The following GRIA1 variants were observed in gnomAD, a reference collection of about 807,000 sequenced individuals.
GRIA1 encodes the protein glutamate ionotropic receptor AMPA type subunit 1, also known as glutamate receptor 1.
Under a neutral mutation model 99.2 loss-of-function variants are expected in GRIA1, and 31 were observed. That is an observed-to-expected ratio of 0.31 (90% CI 0.23 to 0.42). GRIA1 has a LOEUF of 0.42. GRIA1 is among the 10% of genes least tolerant of loss of function. The probability of loss-of-function intolerance (pLI) is 1.00; values close to 1 mark genes in which losing one functional copy is unlikely to be tolerated. For synonymous variants in GRIA1, 438 were observed against 432.4 expected (o/e 1.01, Z -0.16); for missense variants, 782 against 1,157.5 (o/e 0.68, Z 4.71).
At chr5:153,574,282 G>T (rs1321442889) in intron 2 of GRIA1, 1 of 152,098 alleles carries the variant, frequency 6.6e-6, no homozygotes, top group Non-Finnish European at 1.5e-5. Context: ...ATTCTAGTTG[G>T]TGGTTGTTTC....
At chr5:153,522,441 CATA>C (rs1757233780) in intron 2 of GRIA1, among the ~76,000 whole-genome samples, 1 of 152,266 alleles carries the variant, frequency 6.6e-6, no homozygotes, top group African/African-American at 2.4e-5. Flanking sequence ...AGCTCATATT[CATA>C]ATGAGTAAGA....
chr5:153,729,471 AG>A (rs1192219192), intron 11 of GRIA1, among the ~76,000 whole-genome samples: 1 of 152,104 alleles, frequency 6.6e-6, no homozygotes, highest in East Asian at 1.9e-4. Flanking sequence ...TAACCAGTTG[AG>A]TCTAAGGTAT....
At chr5:153,691,006 T>C (rs1456438658) in intron 8 of GRIA1, among the ~76,000 whole-genome samples, 2 of 152,234 alleles carry the variant, frequency 1.3e-5, no homozygotes, top group Non-Finnish European at 2.9e-5. Flanking sequence ...TTCTTCCAGA[T>C]TTGGAGCCTC....
At position 153,761,974 on chromosome 5, in the gene GRIA1, C is replaced by T. The variant is rs550262988; in HGVS notation, c.1824-2460C>T. ...TGTGGAATCTAAAAAAATTGATCTC[C>T]TAGCAGTGCAGAGTAAAACAGTGGT... On this transcript the variant is annotated intron_variant, in intron 11 of 15. Coordinates refer to ENST00000285900, the MANE Select transcript of GRIA1 (RefSeq NM_000827.4). 2.0e-4 allele frequency among the ~76,000 whole-genome samples: 30 copies of T among 152,218 alleles called. No homozygotes were observed. The South Asian group carries it at 6.0e-3, about 31-fold the overall frequency.
chr5:153,746,190 T>C (rs963674357), intron 11 of GRIA1, among the ~76,000 whole-genome samples: 38 of 152,224 alleles, frequency 2.5e-4, no homozygotes, highest in African/African-American at 5.1e-4. Context: ...CTTTGAAGAA[T>C]TGGCTGGGGA....
At chr5:153,645,551 T>C (rs1484844953) in intron 2 of GRIA1, among the ~76,000 whole-genome samples, 1 of 152,216 alleles carries the variant, frequency 6.6e-6, no homozygotes, top group Non-Finnish European at 1.5e-5. Context: ...TTCCTCACAA[T>C]CTTTTATGCA....
chr5:153,802,523 C>T (rs770149386), intron 15 of GRIA1, 33 bp downstream of exon 15: 9 of 1,612,078 alleles, frequency 5.6e-6, no homozygotes, highest in East Asian at 2.2e-5. Flanking sequence ...TTTTCCTAAC[C>T]TGTTCTGTGA....
intron 2 of GRIA1, among the ~76,000 whole-genome samples, chr5:153,562,325 G>C (rs550703178): frequency 6.6e-6 from 1 of 152,228 alleles, no homozygotes; most frequent in African/African-American, 2.4e-5. Flanking sequence ...CTTGGAGTGG[G>C]GGTGGAGGGA....
chr5:153,752,469 G>T (rs1320165533), intron 11 of GRIA1, among the ~76,000 whole-genome samples: 1 of 152,162 alleles, frequency 6.6e-6, no homozygotes, highest in Non-Finnish European at 1.5e-5. Context: ...ACAAGATGAT[G>T]ATGATGGCTT....
chr5:153,763,988 G>A (rs11167641), intron 11 of GRIA1, among the ~76,000 whole-genome samples: 58,025 of 152,030 alleles, frequency 0.38, 12,201 homozygotes, highest in East Asian at 0.94. Context: ...CAATAATAAG[G>A]CAGTCTGAAA....
chr5:153,796,350 C>T (rs1451005983), intron 14 of GRIA1, among the ~76,000 whole-genome samples: 1 of 152,158 alleles, frequency 6.6e-6, no homozygotes, highest in Non-Finnish European at 1.5e-5. Context: ...TTCATTACTA[C>T]TTTAATCGAG....
intron 2 of GRIA1, among the ~76,000 whole-genome samples, chr5:153,567,407 A>G (rs754648590): frequency 2.6e-5 from 4 of 152,236 alleles, no homozygotes; most frequent in Non-Finnish European, 4.4e-5. Flanking sequence ...AGCTTTAGGT[A>G]GATTCACACT....
rs373535938 is a variant in GRIA1, at chr5:153,614,518, G to A, written c.221-32410G>A. 5.3e-5 allele frequency among the ~76,000 whole-genome samples: 8 copies of A among 152,302 alleles called. No homozygotes were observed. The East Asian group carries it at 1.4e-3, about 26-fold the overall frequency. ...TTTTGCAAATAAGGAAACTGGTCAA[G>A]TCACTCACCCAAGATTATATGGCTG... On this transcript the variant is annotated intron_variant, in intron 2 of 15. Transcript: ENST00000285900.
chr5:153,492,299 A>G, intron 1 of GRIA1: 1 of 1,535,158 alleles, frequency 6.5e-7, no homozygotes, highest in Non-Finnish European at 8.7e-7. Context: ...GTTAAGCTAC[A>G]TCCTGAAGTG....
At chr5:153,793,962 A>T (rs565523168) in intron 13 of GRIA1, among the ~76,000 whole-genome samples, 4 of 152,218 alleles carry the variant, frequency 2.6e-5, no homozygotes. Flanking sequence ...TGACTCAACC[A>T]TGGCCTTCTG....
At chr5:153,562,715 T>C (rs564454423) in intron 2 of GRIA1, among the ~76,000 whole-genome samples, 4 of 152,270 alleles carry the variant, frequency 2.6e-5, no homozygotes, top group South Asian at 4.1e-4. Context: ...GAGTGAATGA[T>C]TGAATCTCCA....
At chr5:153,500,610 TACACACAC>T (rs35636352) in intron 2 of GRIA1, among the ~76,000 whole-genome samples, 31,467 of 119,828 alleles carry the variant, frequency 0.26, 4,006 homozygotes, top group Non-Finnish European at 0.36. Flanking sequence ...CCCTCTTACA[TACACACAC>T]ACACACACAC....
chr5:153,735,475 T>A (rs1761320101), intron 11 of GRIA1, among the ~76,000 whole-genome samples: 1 of 152,186 alleles, frequency 6.6e-6, no homozygotes, highest in African/African-American at 2.4e-5. Context: ...TTCACAGTGC[T>A]TTTTTATGCA....
intron 11 of GRIA1, among the ~76,000 whole-genome samples, chr5:153,715,749 G>A (rs1022220839): frequency 3.9e-5 from 6 of 152,154 alleles, no homozygotes; most frequent in Non-Finnish European, 8.8e-5. Flanking sequence ...TTCTTATTGA[G>A]ACTGGTAGAC....
Sources: allele counts gnomAD v4.1 joint callset (sites outside exome capture counted in the v4.1 genomes callset), GRCh38; gene constraint gnomAD v4.1.1; transcripts MANE v1.5; gene names NCBI Gene and HGNC (gene_info 2026-07-23, HGNC 2026-07-21).